Variants in BNC2 observed in about 807,000 individuals in gnomAD.
BNC2 encodes the protein zinc finger protein basonuclin-2.
In BNC2, 20 loss-of-function variants were observed where a neutral mutation model predicts 76.3. The observed-to-expected ratio is 0.26, with a 90% CI of 0.18 to 0.38. The LOEUF is 0.38. Among genes scored for constraint, BNC2 ranks in the 10% least tolerant of loss-of-function variants. BNC2 has a pLI of 1.00. For synonymous variants in BNC2, 582 were observed against 514.8 expected (o/e 1.13, Z -1.77); for missense variants, 1,382 against 1,399.8 (o/e 0.99, Z 0.20).
intron 3 of BNC2, among the ~76,000 whole-genome samples, chr9:16,601,274 C>G (rs1019823484): frequency 6.6e-6 from 1 of 152,168 alleles, no homozygotes; most frequent in Non-Finnish European, 1.5e-5. Context: ...ACTTGCACAA[C>G]CCGAGAAGAA....
intron 3 of BNC2, among the ~76,000 whole-genome samples, chr9:16,613,459 A>T (rs958314769): frequency 2.0e-5 from 3 of 152,220 alleles, no homozygotes; most frequent in South Asian, 4.1e-4. Flanking sequence ...ATTGAAAATC[A>T]CTGGGGACAG....
intron 5 of BNC2, among the ~76,000 whole-genome samples, chr9:16,471,316 T>TA (rs367988480): frequency 6.1e-5 from 9 of 148,654 alleles, no homozygotes; most frequent in Admixed American, 4.8e-4. Flanking sequence ...TTTTTTAAGA[T>TA]AGAGTCTCAC....
intron 3 of BNC2, among the ~76,000 whole-genome samples, chr9:16,614,463 G>GA (rs57842578): frequency 0.87 from 127,332 of 146,078 alleles, 56,386 homozygotes; most frequent in East Asian, 0.98. Context: ...ACCTTTTCTT[G>GA]AAAAAAAAAA....
chr9:16,562,019 C>A (rs1035209892), intron 4 of BNC2, among the ~76,000 whole-genome samples: 5 of 151,492 alleles, frequency 3.3e-5, no homozygotes, highest in Non-Finnish European at 7.4e-5. Flanking sequence ...AATAAACAAA[C>A]AAAAAAAACA....
chr9:16,719,430 C>A (rs1043302301), intron 3 of BNC2, among the ~76,000 whole-genome samples: 2 of 152,178 alleles, frequency 1.3e-5, no homozygotes, highest in African/African-American at 4.8e-5. Context: ...AAAGCAATTA[C>A]TTGTTGTCAT....
intron 5 of BNC2, among the ~76,000 whole-genome samples, chr9:16,514,357 C>T (rs1822829544): frequency 6.6e-6 from 1 of 152,206 alleles, no homozygotes; most frequent in African/African-American, 2.4e-5. Flanking sequence ...GTCTGAGTGG[C>T]TGAAATTCCA....
intron 6 of BNC2, chr9:16,421,205 T>G (rs1820702906): frequency 2.5e-6 from 3 of 1,207,368 alleles, no homozygotes; most frequent in Non-Finnish European, 3.3e-6. Flanking sequence ...CACTCTGGGT[T>G]TTAAGGGGCA....
At chr9:16,443,762 T>G (rs186864191) in intron 5 of BNC2, among the ~76,000 whole-genome samples, 1 of 152,170 alleles carries the variant, frequency 6.6e-6, no homozygotes, top group Non-Finnish European at 1.5e-5. Flanking sequence ...CATACGCTAC[T>G]GTTCCAAGCA....
chr9:16,617,762 C>T (rs990036953), intron 3 of BNC2, among the ~76,000 whole-genome samples: 2 of 152,176 alleles, frequency 1.3e-5, no homozygotes, highest in African/African-American at 4.8e-5. Context: ...AGGCACTGTT[C>T]TAGGCACCAT....
chr9:16,642,461 C>T (rs1821515926), intron 3 of BNC2, among the ~76,000 whole-genome samples: 1 of 152,132 alleles, frequency 6.6e-6, no homozygotes, highest in Non-Finnish European at 1.5e-5. Flanking sequence ...TATAGCTTTC[C>T]TTATTTTCTC....
intron 1 of BNC2, among the ~76,000 whole-genome samples, chr9:16,816,432 T>C (rs1363601422): frequency 6.6e-6 from 1 of 152,202 alleles, no homozygotes; most frequent in Non-Finnish European, 1.5e-5. Context: ...AGTTCTGCGC[T>C]GTTAAATACC....
intron 3 of BNC2, among the ~76,000 whole-genome samples, chr9:16,596,385 C>T (rs887187982): frequency 6.6e-6 from 1 of 152,038 alleles, no homozygotes; most frequent in African/African-American, 2.4e-5. Context: ...AATACATACA[C>T]ATATACATTC....
intron 2 of BNC2, among the ~76,000 whole-genome samples, chr9:16,736,667 G>A (rs73419969): frequency 0.095 from 14,347 of 151,340 alleles, 862 homozygotes; most frequent in Admixed American, 0.19. Context: ...GTAGAGACGG[G>A]GTTTCAACAT....
intron 5 of BNC2, among the ~76,000 whole-genome samples, chr9:16,491,504 C>T (rs1221511365): frequency 1.3e-5 from 2 of 152,116 alleles, no homozygotes; most frequent in African/African-American, 4.8e-5. Flanking sequence ...AGTATTCCTT[C>T]AAAATAATTT....
At chr9:16,799,397 C>T (rs1396765566) in intron 1 of BNC2, among the ~76,000 whole-genome samples, 1 of 152,088 alleles carries the variant, frequency 6.6e-6, no homozygotes, top group Non-Finnish European at 1.5e-5. Flanking sequence ...TCACTGCAAC[C>T]TCCACCTCCC....
At chr9:16,690,223 G>C (rs1247789164) in intron 3 of BNC2, among the ~76,000 whole-genome samples, 2 of 152,118 alleles carry the variant, frequency 1.3e-5, no homozygotes, top group Non-Finnish European at 2.9e-5. Flanking sequence ...ATTGGATGTG[G>C]TGGATCACAC....
chr9:16,461,477 A>C (rs1158911708), intron 5 of BNC2, among the ~76,000 whole-genome samples: 1 of 151,796 alleles, frequency 6.6e-6, no homozygotes, highest in African/African-American at 2.4e-5. Context: ...TTTTGTAAAT[A>C]TTTTATTAAT....
At chr9:16,621,719 T>C (rs1345610245) in intron 3 of BNC2, among the ~76,000 whole-genome samples, 22 of 152,116 alleles carry the variant, frequency 1.4e-4, no homozygotes, top group Non-Finnish European at 1.5e-5. Flanking sequence ...TAGCCACATG[T>C]GGGTATTGAC....
chr9:16,656,275 C>T (rs879520091), intron 3 of BNC2, among the ~76,000 whole-genome samples: 8 of 152,020 alleles, frequency 5.3e-5, no homozygotes, highest in Non-Finnish European at 1.0e-4. Flanking sequence ...TCTACTCACC[C>T]GTAAAAGCAG....
Sources: gnomAD v4.1 joint callset for allele counts (sites outside exome capture counted in the v4.1 genomes callset) on GRCh38, gnomAD v4.1.1 for gene constraint, MANE v1.5 for transcripts, NCBI Gene and HGNC (gene_info 2026-07-23, HGNC 2026-07-21) for gene names.